Variants in CSMD1 observed in about 807,000 individuals in gnomAD.
CSMD1 encodes CUB and sushi domain-containing protein 1.
A neutral mutation model predicts 417.5 loss-of-function variants in CSMD1; 213 were observed. The observed-to-expected ratio is 0.51, with a 90% confidence interval of 0.46 to 0.57. The LOEUF is 0.57. CSMD1 is among the 20% of genes least tolerant of loss of function. CSMD1 has a pLI of 0.00. For synonymous variants in CSMD1, 2,862 were observed against 1,736.8 expected, an observed-to-expected ratio of 1.65 and a Z score of -16.11; for missense variants, 6,923 against 4,529.7, an observed-to-expected ratio of 1.53 and a Z score of -15.17.
intron 49 of CSMD1, among the ~76,000 whole-genome samples, chr8:3,053,161 T>A (rs1811982308): frequency 6.6e-6 from 1 of 152,180 alleles, no homozygotes; most frequent in Non-Finnish European, 1.5e-5. Flanking sequence ...TGAGGAACAA[T>A]GGAAAATGGG....
intron 3 of CSMD1, among the ~76,000 whole-genome samples, chr8:4,084,746 C>A (rs28690185): frequency 7.9e-5 from 12 of 151,136 alleles, no homozygotes; most frequent in South Asian, 2.1e-4. Flanking sequence ...CCCACCCCCA[C>A]CCCCCTACCC....
intron 2 of CSMD1, among the ~76,000 whole-genome samples, chr8:4,477,711 T>C (rs1800879461): frequency 6.6e-6 from 1 of 152,162 alleles, no homozygotes; most frequent in Non-Finnish European, 1.5e-5. Context: ...ACAACCTTTG[T>C]CAATTATGCA....
chr8:4,121,082 T>C (rs1802460612), intron 3 of CSMD1, among the ~76,000 whole-genome samples: 2 of 151,800 alleles, frequency 1.3e-5, no homozygotes, highest in Admixed American at 6.6e-5. Flanking sequence ...TTTGTCAAGG[T>C]ATTTTTATTT....
At chr8:4,409,299 A>G (rs890127189) in intron 3 of CSMD1, among the ~76,000 whole-genome samples, 2 of 152,178 alleles carry the variant, frequency 1.3e-5, no homozygotes, top group African/African-American at 4.8e-5. Flanking sequence ...TTAAGTCAAT[A>G]TATGTGTTTT....
At chr8:4,108,991 G>C (rs1801714412) in intron 3 of CSMD1, among the ~76,000 whole-genome samples, 1 of 152,120 alleles carries the variant, frequency 6.6e-6, no homozygotes, top group Non-Finnish European at 1.5e-5. Flanking sequence ...GAATTATCTG[G>C]AAAGGATTGG....
intron 8 of CSMD1, among the ~76,000 whole-genome samples, chr8:3,594,402 A>G (rs1043650904): frequency 2.0e-5 from 3 of 152,026 alleles, no homozygotes; most frequent in Non-Finnish European, 1.5e-5. Flanking sequence ...TGAAAGATGC[A>G]TAGAATGTAT....
intron 18 of CSMD1, among the ~76,000 whole-genome samples, chr8:3,381,494 G>C (rs924259537): frequency 6.6e-6 from 1 of 152,038 alleles, no homozygotes; most frequent in Non-Finnish European, 1.5e-5. Flanking sequence ...TTCAAGTTCA[G>C]TTACACATGA....
intron 6 of CSMD1, among the ~76,000 whole-genome samples, chr8:3,744,817 C>G (rs1324908260): frequency 6.6e-6 from 1 of 152,070 alleles, no homozygotes. Context: ...TATTTTGTTT[C>G]ATATATCTAT....
At chr8:4,808,399 G>A (rs1563452631) in intron 1 of CSMD1, among the ~76,000 whole-genome samples, 1 of 152,142 alleles carries the variant, frequency 6.6e-6, no homozygotes, top group South Asian at 2.1e-4. Context: ...TAAGTTCTGT[G>A]AATTCAAAGG....
chr8:4,612,736 T>C (rs1172727956), intron 2 of CSMD1, among the ~76,000 whole-genome samples: 1 of 152,140 alleles, frequency 6.6e-6, no homozygotes, highest in East Asian at 1.9e-4. Flanking sequence ...TGTTTGTGTG[T>C]GCAAATGTGT....
At chr8:4,661,862 G>A (rs1804631437) in intron 1 of CSMD1, among the ~76,000 whole-genome samples, 1 of 152,158 alleles carries the variant, frequency 6.6e-6, no homozygotes, top group South Asian at 2.1e-4. Context: ...ATGTTATCAT[G>A]GAGATGAAGG....
chr8:4,681,952 C>T (rs1293268755), intron 1 of CSMD1, among the ~76,000 whole-genome samples: 4 of 152,068 alleles, frequency 2.6e-5, no homozygotes, highest in African/African-American at 2.4e-5. Flanking sequence ...ATTTTCTTTG[C>T]TTTCTTGTGT....
At chr8:3,250,944 T>C (rs1236048292) in intron 26 of CSMD1, among the ~76,000 whole-genome samples, 18 of 152,184 alleles carry the variant, frequency 1.2e-4, no homozygotes, top group Admixed American at 6.5e-5. Context: ...TTTGAGTTCA[T>C]TGTAGATTCT....
chr8:3,875,058 G>A (rs1805724524), intron 5 of CSMD1, among the ~76,000 whole-genome samples: 1 of 152,122 alleles, frequency 6.6e-6, no homozygotes. Flanking sequence ...GGCTGAAAGA[G>A]CAGAAGAGCG....
chr8:4,400,521 A>C (rs761236195), intron 3 of CSMD1, among the ~76,000 whole-genome samples: 3 of 152,200 alleles, frequency 2.0e-5, no homozygotes, highest in Non-Finnish European at 4.4e-5. Context: ...GTCAATAAAA[A>C]TTGCCCTCTA....
At chr8:4,303,814 C>T (rs1276730801) in intron 3 of CSMD1, among the ~76,000 whole-genome samples, 3 of 151,998 alleles carry the variant, frequency 2.0e-5, no homozygotes, top group Admixed American at 2.0e-4. Flanking sequence ...CTCCACTCTC[C>T]CCGGCTAATT....
At chr8:3,066,322 T>G (rs144174622) in intron 49 of CSMD1, among the ~76,000 whole-genome samples, 1,731 of 152,356 alleles carry the variant, frequency 0.011, 40 homozygotes, top group African/African-American at 0.039. Context: ...TCTCATAGTT[T>G]TAGCTCTATT....
At position 4,568,527 on chromosome 8, in the gene CSMD1, G is replaced by A. The variant is rs74576121; in HGVS notation, c.302+68815C>T. The stretch of plus-strand genomic sequence containing the variant: ...TCTTTATCCAGTCTATCATTGATGG[G>A]CATTTGGGTTGATTCCAAGGTTTTT... On this transcript the variant is annotated intron_variant, in intron 2 of 69. Coordinates refer to ENST00000635120, the MANE Select transcript of CSMD1 (RefSeq NM_033225.6). Among the ~76,000 whole-genome samples the A allele has an allele frequency of 1.7e-3, 252 of 152,168 alleles. 1 individual carries two copies. Among genetic ancestry groups the A allele is most frequent in the African/African-American group, 5.9e-3 (243 of 41,516 alleles).
At chr8:4,290,332 T>C (rs1563397705) in intron 3 of CSMD1, among the ~76,000 whole-genome samples, 2 of 152,216 alleles carry the variant, frequency 1.3e-5, no homozygotes, top group Admixed American at 6.5e-5. Flanking sequence ...TTTGAATTTC[T>C]ACACAGTAAT....
Sources: gnomAD v4.1 joint callset for allele counts (sites outside exome capture counted in the v4.1 genomes callset) on GRCh38, gnomAD v4.1.1 for gene constraint, MANE v1.5 for transcripts, NCBI Gene and HGNC (gene_info 2026-07-23, HGNC 2026-07-21) for gene names.